NPEPPS: variants seen among roughly 807,000 people sequenced by gnomAD.
NPEPPS encodes puromycin-sensitive aminopeptidase.
In NPEPPS, 14 loss-of-function variants were observed where a neutral mutation model predicts 115.5. That is an observed-to-expected ratio of 0.12 (90% CI 0.08 to 0.19). The LOEUF (loss-of-function observed/expected upper bound fraction) is 0.19, where lower values mean the gene tolerates loss of function less well. Ranked by LOEUF, NPEPPS falls within the 10% of genes least tolerant of loss-of-function variation. The pLI is 1.00. For synonymous variants in NPEPPS, 285 were observed against 390.6 expected (o/e 0.73, Z 3.19); for missense variants, 523 against 1,110.8 (o/e 0.47, Z 7.52).
Position 47,585,511 on chromosome 17 carries a change from C to T in NPEPPS, c.660C>T (p.Asp220=), listed in dbSNP as rs1279427908. 6 of 1,611,846 alleles carry T rather than the reference C, an allele frequency of 3.7e-6. No individual in the cohort carries two copies. Among genetic ancestry groups the T allele is most frequent in the Non-Finnish European group, 5.1e-6 (6 of 1,178,206 alleles). Residue 220 remains aspartate, a synonymous_variant, in exon 6 of 23, where the codon GAC becomes GAT. Transcript: ENST00000322157. ...TTTATTTCTTAAAGAATGTAATTGA[C>T]CGGAAACCATACCCTGATGATGAAA... is the stretch of plus-strand genomic sequence containing the variant. ...RVALSNMNVI[D]RKPYPDDENL...
At chr17:47,583,923 T>TAAAA (rs58468752) in intron 5 of NPEPPS, among the ~76,000 whole-genome samples, 2 of 140,038 alleles carry the variant, frequency 1.4e-5, no homozygotes, top group Non-Finnish European at 3.1e-5. Context: ...CCCCATCTCT[T>TAAAA]AAAAAAAAAA....
intron 2 of NPEPPS, among the ~76,000 whole-genome samples, chr17:47,563,275 GC>G (rs1910568130): frequency 6.6e-6 from 1 of 151,996 alleles, no homozygotes; most frequent in East Asian, 1.9e-4. Flanking sequence ...CAGGTGATCT[GC>G]CCATCTTGAC....
At chr17:47,590,303 C>G (rs1011934385) in intron 9 of NPEPPS, among the ~76,000 whole-genome samples, 1 of 152,094 alleles carries the variant, frequency 6.6e-6, no homozygotes, top group African/African-American at 2.4e-5. Flanking sequence ...GCAGGTGGAT[C>G]ACTTGAGTTC....
intron 19 of NPEPPS, among the ~76,000 whole-genome samples, chr17:47,617,644 T>A (rs1169237052): frequency 6.6e-6 from 1 of 152,214 alleles, no homozygotes; most frequent in South Asian, 2.1e-4. Flanking sequence ...TTTTCACTAT[T>A]ATAAATTAAT....
chr17:47,550,091 C>T (rs529923226), intron 2 of NPEPPS, among the ~76,000 whole-genome samples: 3 of 151,448 alleles, frequency 2.0e-5, no homozygotes, highest in Middle Eastern at 6.8e-3. Flanking sequence ...CACGCTGCCA[C>T]GCCCAGCTAA....
At chr17:47,618,305 C>G in intron 19 of NPEPPS, 45 bp from the exon 20 acceptor site, 1 of 1,307,066 alleles carries the variant, frequency 7.7e-7, no homozygotes, top group South Asian at 1.2e-5. Context: ...TGCAGAACAT[C>G]CAAGGGAGAG....
At chr17:47,618,808 T>C (rs1352350702) in intron 20 of NPEPPS, among the ~76,000 whole-genome samples, 1 of 152,244 alleles carries the variant, frequency 6.6e-6, no homozygotes, top group Non-Finnish European at 1.5e-5. Context: ...TGTCTGAACC[T>C]GTCTCAGTAC....
At chr17:47,571,113 A>T (rs1911165579) in intron 3 of NPEPPS, among the ~76,000 whole-genome samples, 2 of 152,210 alleles carry the variant, frequency 1.3e-5, no homozygotes, top group Non-Finnish European at 2.9e-5. Flanking sequence ...CTTAGCAATT[A>T]AAAGTGAGGT....
rs991005217 is a variant in NPEPPS, at chr17:47,587,421, A to C, written c.1095+77A>C. 19 of 1,362,070 alleles carry C rather than the reference A, an allele frequency of 1.4e-5. No homozygotes were observed. The African/African-American group carries it at 1.8e-4, about 13-fold the overall frequency. The allele number at this position is 1,362,070 out of a possible 1,614,324, so 84.4% of individuals were successfully genotyped here. ...ATTATTTTGGCTACATAGTATTTCA[A>C]GTTTGGCTGCAACACTGTGCCAAAA... On this transcript the variant is annotated intron_variant, in intron 9 of 22. Coordinates refer to ENST00000322157, the MANE Select transcript of NPEPPS (RefSeq NM_006310.4).
At chr17:47,612,328 G>T in intron 17 of NPEPPS, 132 bp from the exon 18 acceptor site, 1 of 802,130 alleles carries the variant, frequency 1.2e-6, no homozygotes, top group Non-Finnish European at 1.9e-6. Context: ...ATTCTCTCAG[G>T]TATTAAGTTA....
At chr17:47,558,453 G>A (rs1268740446) in intron 2 of NPEPPS, among the ~76,000 whole-genome samples, 1 of 151,174 alleles carries the variant, frequency 6.6e-6, no homozygotes, top group Non-Finnish European at 1.5e-5. Flanking sequence ...TTTTTGAGAC[G>A]GAGTCTCGCT....
At chr17:47,596,205 C>T in intron 12 of NPEPPS, 148 bp from the exon 13 acceptor site, 1 of 536,204 alleles carries the variant, frequency 1.9e-6, no homozygotes, top group South Asian at 2.6e-5. Context: ...AGAGGGGTGG[C>T]AAGGGGAATG....
intron 15 of NPEPPS, chr17:47,603,381 C>T (rs945049305): frequency 6.6e-6 from 1 of 152,086 alleles, no homozygotes; most frequent in Non-Finnish European, 1.5e-5. Flanking sequence ...CACTCCCCTC[C>T]AGCCTGGGTG....
chr17:47,589,343 C>T (rs1385065038), intron 9 of NPEPPS, among the ~76,000 whole-genome samples: 2 of 152,064 alleles, frequency 1.3e-5, no homozygotes, highest in Non-Finnish European at 2.9e-5. Flanking sequence ...GCAGCTTCAT[C>T]TTCCTGGGCT....
At chr17:47,594,061 A>G (rs1912681525) in intron 12 of NPEPPS, among the ~76,000 whole-genome samples, 1 of 152,122 alleles carries the variant, frequency 6.6e-6, no homozygotes, top group Admixed American at 6.5e-5. Flanking sequence ...AGGCTGAGGT[A>G]GGAGGATCAC....
intron 3 of NPEPPS, among the ~76,000 whole-genome samples, chr17:47,570,742 A>G (rs1285622871): frequency 6.6e-6 from 1 of 152,262 alleles, no homozygotes. Flanking sequence ...ACTAATAAAC[A>G]TGTGAAAAGA....
chr17:47,569,025 A>G (rs1433060300), intron 2 of NPEPPS, among the ~76,000 whole-genome samples: 2 of 152,206 alleles, frequency 1.3e-5, no homozygotes, highest in Non-Finnish European at 2.9e-5. Context: ...CCTTTGGGGG[A>G]ACAGACCTTT....
In NPEPPS at chr17:47,618,356, A is replaced by C; in HGVS notation, c.2302A>C (p.Lys768Gln). 2 of 1,610,196 alleles carry C rather than the reference A, an allele frequency of 1.2e-6. No homozygotes were observed. The highest frequency in any genetic ancestry group is 3.3e-4 in the Middle Eastern group (2 of 6,062). Residue 768 changes from lysine to glutamine, a missense_variant, in exon 20 of 23, where the codon AAA becomes CAA. Physicochemically the swap from Lys to Gln is moderately conservative, Grantham distance 53. This residue lies in a region of NPEPPS where 372 missense variants were observed against 542.6 expected (regional missense o/e 0.69). Coordinates refer to ENST00000322157, the MANE Select transcript of NPEPPS (RefSeq NM_006310.4). ...TTTATCTTTTTTCCTGTAGCTTCAT[A>C]AACAAGCAGATATGCAAGAAGAGAA... ...TTLDIMLKLHKQADMQEEKNR... is the reference protein window; with the variant it reads ...TTLDIMLKLHQQADMQEEKNR...
At chr17:47,538,203 T>C (rs1443161645) in intron 1 of NPEPPS, among the ~76,000 whole-genome samples, 1 of 57,424 alleles carries the variant, frequency 1.7e-5, no homozygotes, top group Non-Finnish European at 3.5e-5. Context: ...ATATCTGTTC[T>C]TTTTTTTTTT....
Sources: gnomAD v4.1 joint callset for allele counts (sites outside exome capture counted in the v4.1 genomes callset) on GRCh38, gnomAD v4.1.1 for gene constraint, gnomAD v4.1.1 regional missense constraint, MANE v1.5 for transcripts, NCBI Gene and HGNC (gene_info 2026-07-23, HGNC 2026-07-21) for gene names.